Variants in PPFIA2 observed in about 807,000 individuals in gnomAD.
PPFIA2 encodes the protein liprin-alpha-2.
A neutral mutation model predicts 175.5 loss-of-function variants in PPFIA2; 46 were observed. That is an observed-to-expected ratio of 0.26 (90% CI 0.21 to 0.34). The LOEUF (loss-of-function observed/expected upper bound fraction) is 0.34, where lower values mean the gene tolerates loss of function less well. Among genes scored for constraint, PPFIA2 ranks in the 10% least tolerant of loss-of-function variants. The pLI is 1.00. For synonymous variants in PPFIA2, 568 were observed against 511.4 expected (o/e 1.11, Z -1.49); for missense variants, 1,179 against 1,506.1 (o/e 0.78, Z 3.60).
chr12:81,670,578 G>A (rs1168239007), intron 4 of PPFIA2, among the ~76,000 whole-genome samples: 1 of 151,726 alleles, frequency 6.6e-6, no homozygotes, highest in African/African-American at 2.4e-5. Flanking sequence ...TCCTCTATTG[G>A]CTATTGCTTC....
intron 5 of PPFIA2, among the ~76,000 whole-genome samples, chr12:81,450,709 T>C (rs2052396065): frequency 6.6e-6 from 1 of 152,200 alleles, no homozygotes. Flanking sequence ...CATGAAGTCC[T>C]ATCATCCCTA....
rs548363062 is a variant in PPFIA2, at chr12:81,321,984, C to A, written c.2642+3793G>T. Among the ~76,000 whole-genome samples the A allele has an allele frequency of 4.6e-5, 7 of 152,208 alleles. No homozygotes were observed. The East Asian group carries it at 1.4e-3, about 29-fold the overall frequency. On this transcript the variant is annotated intron_variant, in intron 22 of 32. Transcript: ENST00000549396. ...GGAGTAGCTAGGCTACATGCACATG[C>A]CATCATGTCTGTCTAATGTATTTTT...
At chr12:81,383,620 C>T (rs1305113778) in intron 9 of PPFIA2, among the ~76,000 whole-genome samples, 1 of 151,970 alleles carries the variant, frequency 6.6e-6, no homozygotes, top group East Asian at 1.9e-4. Flanking sequence ...AGATACATTC[C>T]CCTTCATGAC....
intron 3 of PPFIA2, among the ~76,000 whole-genome samples, chr12:81,716,056 ATACT>A (rs2078578543): frequency 1.3e-5 from 2 of 151,740 alleles, no homozygotes; most frequent in Admixed American, 6.6e-5. Context: ...AGTTTCAGAA[ATACT>A]TTGTTTTAAT....
chr12:81,531,854 GA>G (rs1202083805), intron 4 of PPFIA2, among the ~76,000 whole-genome samples: 3 of 151,772 alleles, frequency 2.0e-5, no homozygotes, highest in Non-Finnish European at 1.5e-5. Flanking sequence ...GTACTGGTAA[GA>G]AATAATGAGG....
At chr12:81,701,811 T>C (rs1308614629) in intron 3 of PPFIA2, among the ~76,000 whole-genome samples, 2 of 151,778 alleles carry the variant, frequency 1.3e-5, no homozygotes, top group Non-Finnish European at 2.9e-5. Flanking sequence ...ATTATTTGTG[T>C]TTCATTTCGT....
At chr12:81,378,739 C>T (rs2036960235) in intron 9 of PPFIA2, among the ~76,000 whole-genome samples, 1 of 152,054 alleles carries the variant, frequency 6.6e-6, no homozygotes, top group African/African-American at 2.4e-5. Flanking sequence ...GCAATAAAGT[C>T]AATAAAAGAT....
intron 9 of PPFIA2, among the ~76,000 whole-genome samples, chr12:81,380,769 T>A (rs916988516): frequency 2.0e-5 from 3 of 152,146 alleles, no homozygotes; most frequent in African/African-American, 7.2e-5. Flanking sequence ...ACCTTGTGGG[T>A]CTCATCTGAG....
Position 81,621,970 on chromosome 12 carries a change from A to G in PPFIA2, c.303+54821T>C, listed in dbSNP as rs146717033. 6.9e-3 allele frequency among the ~76,000 whole-genome samples: 1,044 copies of G among 152,292 alleles called. 13 individuals are homozygous for G. The highest frequency in any genetic ancestry group is 0.022 in the African/African-American group (907 of 41,564). ...ATAGGGAAAGAAAAGAAGAGGTCCA[A>G]TAGCTGAGCCCTGTAACATCCCAAT... On this transcript the variant is annotated intron_variant, in intron 4 of 32. Coordinates refer to ENST00000549396, the MANE Select transcript of PPFIA2 (RefSeq NM_003625.5).
rs1679558095 is a variant in PPFIA2 at position 81,312,366 on chromosome 12, G to C, written c.2643-12984C>G. The C allele has an allele frequency of 8.5e-6, 5 of 589,954 alleles. No individual in the cohort carries two copies. The South Asian group carries it at 1.1e-4, about 13-fold the overall frequency. 36.5% of individuals were successfully genotyped at this position (589,954 alleles called of 1,614,324 possible). A position where few individuals can be genotyped will look rare whatever the true frequency, so the allele number is the denominator to read the frequency against. On this transcript the variant is annotated intron_variant, in intron 22 of 32. Transcript: ENST00000549396. Reference sequence around the variant, plus strand: ...CTCACTGCGTCGAAAAGCATAGTCAGGCTGAGGGTAGTTCTAATAGTTGAC... The same window carrying C: ...CTCACTGCGTCGAAAAGCATAGTCACGCTGAGGGTAGTTCTAATAGTTGAC...
chr12:81,370,234 G>T (rs1436506702), intron 11 of PPFIA2, among the ~76,000 whole-genome samples: 1 of 151,738 alleles, frequency 6.6e-6, no homozygotes, highest in Non-Finnish European at 1.5e-5. Flanking sequence ...AAAAAACTAA[G>T]CCTGGGGGTT....
At chr12:81,422,824 T>C (rs2046517337) in intron 7 of PPFIA2, among the ~76,000 whole-genome samples, 1 of 152,098 alleles carries the variant, frequency 6.6e-6, no homozygotes, top group Non-Finnish European at 1.5e-5. Context: ...CCCAAAACTG[T>C]TGCACTGGGA....
At chr12:81,440,813 G>GATATAT (rs142582712) in intron 6 of PPFIA2, among the ~76,000 whole-genome samples, 1,552 of 143,132 alleles carry the variant, frequency 0.011, 25 homozygotes, top group African/African-American at 0.036. Context: ...TATATGTCCT[G>GATATAT]ATATATATAT....
intron 12 of PPFIA2, 113 bp from the exon 13 acceptor site, chr12:81,368,969 G>A: frequency 7.4e-7 from 1 of 1,344,032 alleles, no homozygotes. Flanking sequence ...GATTAAAGTG[G>A]TGGAAACATT....
intron 24 of PPFIA2, among the ~76,000 whole-genome samples, chr12:81,289,241 G>C (rs890843035): frequency 5.3e-5 from 8 of 151,758 alleles, no homozygotes; most frequent in African/African-American, 1.9e-4. Context: ...CTGTTAGGTA[G>C]TCTCCATTCA....
chr12:81,332,872 A>C (rs1477572550), intron 21 of PPFIA2, among the ~76,000 whole-genome samples: 1 of 152,242 alleles, frequency 6.6e-6, no homozygotes, highest in Non-Finnish European at 1.5e-5. Flanking sequence ...GGACAACTAC[A>C]TGATCCTCAC....
intron 8 of PPFIA2, among the ~76,000 whole-genome samples, chr12:81,385,242 CT>C (rs1449550820): frequency 6.6e-6 from 1 of 152,050 alleles, no homozygotes; most frequent in Non-Finnish European, 1.5e-5. Context: ...AAATGGAACC[CT>C]TGTATGCTAC....
intron 4 of PPFIA2, among the ~76,000 whole-genome samples, chr12:81,641,536 T>A (rs2064967642): frequency 6.6e-6 from 1 of 152,176 alleles, no homozygotes; most frequent in African/African-American, 2.4e-5. Flanking sequence ...TTCATGCCAC[T>A]GCTCTCAGTC....
chr12:81,746,289 C>T (rs2083058522), intron 3 of PPFIA2, among the ~76,000 whole-genome samples: 1 of 144,262 alleles, frequency 6.9e-6, no homozygotes, highest in Admixed American at 7.3e-5. Context: ...AGGAATAAAA[C>T]AAAATATTTA....
Sources: allele counts gnomAD v4.1 joint callset (sites outside exome capture counted in the v4.1 genomes callset), GRCh38; gene constraint gnomAD v4.1.1; transcripts MANE v1.5; gene names NCBI Gene and HGNC (gene_info 2026-07-23, HGNC 2026-07-21).